Variants in KIFC3 observed in about 807,000 individuals in gnomAD.
The protein encoded by KIFC3 is kinesin family member C3.
In KIFC3, 60 loss-of-function variants were observed where a neutral mutation model predicts 101.8. That is an observed-to-expected ratio of 0.59 (90% CI 0.48 to 0.73). The LOEUF is 0.73. Among genes scored for constraint, KIFC3 ranks in the 30% least tolerant of loss-of-function variants. The probability of loss-of-function intolerance (pLI) is 0.00; values close to 1 mark genes in which losing one functional copy is unlikely to be tolerated. For synonymous variants in KIFC3, 476 were observed against 482.7 expected (o/e 0.99, Z 0.18); for missense variants, 966 against 1,137.1 (o/e 0.85, Z 2.16).
intron 1 of KIFC3, among the ~76,000 whole-genome samples, chr16:57,821,931 C>T (rs1212487389): frequency 6.6e-6 from 1 of 151,742 alleles, no homozygotes; most frequent in Non-Finnish European, 1.5e-5. Context: ...TAAAGATTAG[C>T]CTGGCATGGT....
At chr16:57,800,740 C>G (rs1394366378) in intron 1 of KIFC3, among the ~76,000 whole-genome samples, 3 of 152,162 alleles carry the variant, frequency 2.0e-5, no homozygotes, top group Admixed American at 6.5e-5. Context: ...GAAAAAGCAG[C>G]TGAATTTAGC....
Position 57,762,142 on chromosome 16 carries a change from G to C in KIFC3, c.1746C>G (p.Leu582=). 1 of 1,598,280 alleles carries C rather than the reference G, an allele frequency of 6.3e-7. No individual in the cohort carries two copies. Among genetic ancestry groups the C allele is most frequent in the African/African-American group, 1.3e-5 (1 of 74,790 alleles). The change falls in exon 13 of 20, where the codon CTC becomes CTG. Residue 582 remains leucine (L), a splice_region_variant and synonymous_variant. Transcript: ENST00000445690. ...TCCGCACACCCTGGGGCTCCCACCTGAGGACCTCATTGTAGATCTCCGCAG... is the reference window on the plus strand; with the variant it reads ...TCCGCACACCCTGGGGCTCCCACCTCAGGACCTCATTGTAGATCTCCGCAG... The part of the protein sequence containing the change: ...VSAAEIYNEV[L]RDLLGKEPQE...
chr16:57,854,275 A>T (rs1454745621), intron 1 of KIFC3, among the ~76,000 whole-genome samples: 1 of 152,180 alleles, frequency 6.6e-6, no homozygotes, highest in Non-Finnish European at 1.5e-5. Context: ...GAAAAAACTC[A>T]ACTACGTGAT....
intron 1 of KIFC3, among the ~76,000 whole-genome samples, chr16:57,844,537 C>T (rs1220756829): frequency 3.3e-5 from 5 of 151,958 alleles, no homozygotes; most frequent in Non-Finnish European, 7.4e-5. Flanking sequence ...CAGGATGCAC[C>T]CTGGGGAGGG....
chr16:57,862,234 G>A (rs569735831), intron 1 of KIFC3, among the ~76,000 whole-genome samples: 3 of 147,140 alleles, frequency 2.0e-5, no homozygotes, highest in Non-Finnish European at 4.5e-5. Flanking sequence ...GTCTTTCCCA[G>A]GCTGGTCTCA....
intron 1 of KIFC3, among the ~76,000 whole-genome samples, chr16:57,836,932 G>A (rs963429249): frequency 5.9e-5 from 9 of 152,168 alleles, no homozygotes; most frequent in Non-Finnish European, 2.9e-5. Flanking sequence ...GGTATAAAGT[G>A]ATACTTCTGC....
rs532464251 is a variant in KIFC3 at position 57,766,295 on chromosome 16, C to G, written c.1330+579G>C. On this transcript the variant is annotated intron_variant, in intron 10 of 19. Transcript: ENST00000445690. ...CTCACTGTCCAGGTCTCAGCTCTAA[C>G]TTTGCCTTCTCTGGGAAGCCCCTCA... Among the ~76,000 whole-genome samples, 4 of 152,364 alleles carry G rather than the reference C, an allele frequency of 2.6e-5. No homozygotes were observed. In the East Asian group the frequency reaches 7.7e-4, roughly 29 times the overall value.
At chr16:57,853,996 CAG>C (rs1456787673) in intron 1 of KIFC3, among the ~76,000 whole-genome samples, 1 of 152,042 alleles carries the variant, frequency 6.6e-6, no homozygotes, top group Non-Finnish European at 1.5e-5. Flanking sequence ...GGCTGGAGTG[CAG>C]TGGTGTGATC....
chr16:57,851,110 C>A (rs692525), intron 1 of KIFC3, among the ~76,000 whole-genome samples: 89,307 of 151,452 alleles, frequency 0.59, 27,450 homozygotes, highest in Non-Finnish European at 0.69. Context: ...TCCTAGGCTC[C>A]AGGCATCCTC....
intron 6 of KIFC3, 60 bp downstream of exon 6, chr16:57,771,138 C>T: frequency 1.9e-6 from 3 of 1,593,920 alleles, no homozygotes; most frequent in East Asian, 2.2e-5. Flanking sequence ...TATGGGCTAG[C>T]CCTGCCCCAG....
Position 57,772,304 on chromosome 16 carries a change from C to CAGGA in KIFC3, c.316-20_316-17dup. On this transcript the variant is annotated splice_polypyrimidine_tract_variant and intron_variant, in intron 3 of 19. Coordinates refer to ENST00000445690, the MANE Select transcript of KIFC3 (RefSeq NM_001130100.2). The stretch of plus-strand genomic sequence containing the variant: ...GGTGTTCTACCTGTGGGCACAGAGT[C>CAGGA]AGGAGCAAGGTGAGCCTCAGTCCTC... The CAGGA allele has an allele frequency of 6.2e-7, 1 of 1,612,966 alleles. No homozygotes were observed. The highest frequency in any genetic ancestry group is 8.5e-7 in the Non-Finnish European group (1 of 1,179,218).
chr16:57,847,435 A>G (rs2055955757), intron 1 of KIFC3, among the ~76,000 whole-genome samples: 1 of 152,132 alleles, frequency 6.6e-6, no homozygotes, highest in Admixed American at 6.6e-5. Flanking sequence ...TATAAACAAT[A>G]AAAAGTAATT....
At chr16:57,785,051 G>A (rs2053172985) in intron 3 of KIFC3, among the ~76,000 whole-genome samples, 1 of 152,192 alleles carries the variant, frequency 6.6e-6, no homozygotes, top group African/African-American at 2.4e-5. Flanking sequence ...ATCTCCTGTG[G>A]GGTGACCATC....
In KIFC3 at chr16:57,771,182, G is replaced by C. The variant is rs782131275; in HGVS notation, c.765+16C>G. The C allele has an allele frequency of 6.2e-7, 1 of 1,610,570 alleles. No homozygotes were observed. Among genetic ancestry groups the C allele is most frequent in the Non-Finnish European group, 8.5e-7 (1 of 1,178,844 alleles). ...GGCCTTGGGCTGAGGCACAGATCAG[G>C]TGGGCCAGGGCTCACCTTGACAGGT... is the stretch of plus-strand genomic sequence containing the variant. On this transcript the variant is annotated intron_variant, in intron 6 of 19. Coordinates refer to ENST00000445690, the MANE Select transcript of KIFC3 (RefSeq NM_001130100.2).
At chr16:57,852,470 C>T (rs2149329663) in intron 1 of KIFC3, among the ~76,000 whole-genome samples, 1 of 152,318 alleles carries the variant, frequency 6.6e-6, no homozygotes, top group East Asian at 1.9e-4. Context: ...CACATCATCC[C>T]TGGGTTTCGG....
Position 57,802,333 on chromosome 16 carries a change from C to T in KIFC3, c.-40+37G>A, listed in dbSNP as rs1255333337. 4 of 959,364 alleles carry T rather than the reference C, an allele frequency of 4.2e-6. No individual in the cohort carries two copies. Among genetic ancestry groups the T allele is most frequent in the African/African-American group, 1.8e-5 (1 of 56,544 alleles). 59.4% of individuals were successfully genotyped at this position (959,364 alleles called of 1,614,324 possible). A position where few individuals can be genotyped will look rare whatever the true frequency, so the allele number is the denominator to read the frequency against. On this transcript the variant is annotated intron_variant, in intron 1 of 19. Transcript: ENST00000445690. This position sits in a 1 kb window ranked among gnomAD's most constrained non-coding sequence, Gnocchi z 5.0. ...CGGCGGGCCGGGCAGAGCCCAGCGC[C>T]CCGCTCGCACCCAGCCCGCCCGGGC...
upstream of KIFC3, among the ~76,000 whole-genome samples, chr16:57,807,071 A>G (rs2054953454): frequency 6.6e-6 from 1 of 151,848 alleles, no homozygotes; most frequent in Admixed American, 6.6e-5. Context: ...TACAAAAATT[A>G]CCCGATGTGC....
chr16:57,785,512 G>A (rs921146331), intron 3 of KIFC3: 31 of 1,289,150 alleles, frequency 2.4e-5, no homozygotes, highest in Non-Finnish European at 3.0e-5. Flanking sequence ...TGTCGCGGAG[G>A]GCCAGCCTCT....
rs145137418 is a variant in KIFC3 at position 57,855,029 on chromosome 16, G to A, written c.108+7700C>T. Among the ~76,000 whole-genome samples, 687 of 151,824 alleles carry A rather than the reference G, an allele frequency of 4.5e-3. 6 individuals carry two copies. The highest frequency in any genetic ancestry group is 0.037 in the Middle Eastern group (11 of 294). On this transcript the variant is annotated intron_variant, in intron 1 of 2. Transcript: ENST00000563028. Reference sequence around the variant, plus strand: ...GAGGCTTGGAGTTTGAGATGAGCCTGGGCAACATAGCAAGATGCCATCTCT... The same window carrying A: ...GAGGCTTGGAGTTTGAGATGAGCCTAGGCAACATAGCAAGATGCCATCTCT...
Sources: allele counts gnomAD v4.1 joint callset (sites outside exome capture counted in the v4.1 genomes callset), GRCh38; gene constraint gnomAD v4.1.1; non-coding constraint Gnocchi (gnomAD v3.1); transcripts MANE v1.5; gene names NCBI Gene and HGNC (gene_info 2026-07-23, HGNC 2026-07-21).